The following BTBD9 variants were observed in gnomAD, a reference collection of about 807,000 sequenced individuals.
BTBD9 encodes the protein BTB/POZ domain-containing protein 9.
A neutral mutation model predicts 64.3 loss-of-function variants in BTBD9; 49 were observed. That is an observed-to-expected ratio of 0.76 (90% confidence interval 0.61 to 0.97). BTBD9 has a LOEUF of 0.97. Among genes scored for constraint, BTBD9 ranks in the 50% least tolerant of loss-of-function variants. The pLI is 0.00. For missense variants in BTBD9, 598 were observed against 762.1 expected (o/e 0.78, Z 2.53); for synonymous variants, 260 against 274.7 (o/e 0.95, Z 0.53).
chr6:38,398,434 C>T (rs149181394), intron 6 of BTBD9, among the ~76,000 whole-genome samples: 2 of 152,264 alleles, frequency 1.3e-5, no homozygotes, highest in East Asian at 3.9e-4. Context: ...GAATCAATGT[C>T]ACATATTCAG....
rs541698163 is a variant in BTBD9 at position 38,484,840 on chromosome 6, T to C, written c.1154+92760A>G. 2.0e-5 allele frequency among the ~76,000 whole-genome samples: 3 copies of C among 152,338 alleles called. No individual in the cohort carries two copies. The East Asian group carries it at 5.8e-4, about 29-fold the overall frequency. ...TTGCTGGTGGAGGATCACGCCTCAA[T>C]GTTGATAGCTGCTGACTGATCAGGG... is the stretch of plus-strand genomic sequence containing the variant. On this transcript the variant is annotated intron_variant, in intron 6 of 10. Coordinates refer to ENST00000481247, the MANE Select transcript of BTBD9 (RefSeq NM_001099272.2).
chr6:38,600,701 A>G (rs541867361), intron 1 of BTBD9, among the ~76,000 whole-genome samples: 2 of 152,126 alleles, frequency 1.3e-5, no homozygotes, highest in African/African-American at 4.8e-5. Context: ...GCTAATACTC[A>G]TATTACTTAC....
At chr6:38,507,627 C>T (rs1157541762) in intron 6 of BTBD9, among the ~76,000 whole-genome samples, 4 of 152,112 alleles carry the variant, frequency 2.6e-5, no homozygotes, top group Non-Finnish European at 4.4e-5. Context: ...AGTTCTCTTG[C>T]CTTAAATGAC....
chr6:38,237,393 C>CCACCATTCACTAATA (rs1763813628), intron 9 of BTBD9, among the ~76,000 whole-genome samples: 2 of 152,346 alleles, frequency 1.3e-5, no homozygotes, highest in African/African-American at 4.8e-5. Flanking sequence ...GTTCAAACAA[C>CCACCATTCACTAATA]TCCTGCATGT....
At chr6:38,555,055 G>A (rs1774957115) in intron 6 of BTBD9, among the ~76,000 whole-genome samples, 1 of 152,146 alleles carries the variant, frequency 6.6e-6, no homozygotes, top group Non-Finnish European at 1.5e-5. Context: ...CCCCCAAACT[G>A]GAAATCTTTA....
In BTBD9 at chr6:38,507,828, A is replaced by ATTT. The variant is rs34808509; in HGVS notation, c.1154+69769_1154+69771dup. Among the ~76,000 whole-genome samples, 196 of 125,366 alleles carry ATTT rather than the reference A, an allele frequency of 1.6e-3. 4 individuals carry two copies. Among genetic ancestry groups the ATTT allele is most frequent in the South Asian group, 0.012 (48 of 3,898 alleles). The allele number at this position is 125,366 out of a possible 152,430, so 82.2% of individuals were successfully genotyped here. On this transcript the variant is annotated intron_variant, in intron 6 of 10. Coordinates refer to ENST00000481247, the MANE Select transcript of BTBD9 (RefSeq NM_001099272.2). ...CTATCAATATGAAAATGTCTCCCAA[A>ATTT]TTTTTTTTTTTTTTTTTTTTTTTGA...
intron 6 of BTBD9, among the ~76,000 whole-genome samples, chr6:38,366,106 T>C (rs950955242): frequency 7.2e-5 from 11 of 152,278 alleles, no homozygotes; most frequent in Admixed American, 7.2e-4. Flanking sequence ...CTTTACTAAC[T>C]CAGAATTAAA....
chr6:38,283,867 G>A (rs958872849), intron 8 of BTBD9, among the ~76,000 whole-genome samples: 7 of 152,218 alleles, frequency 4.6e-5, no homozygotes, highest in African/African-American at 1.7e-4. Context: ...ACAAGCAATA[G>A]AAGCTGTGGG....
rs1055372442 is a variant in BTBD9, at chr6:38,616,799, C to T, written c.-27-18678G>A. ...CAGGTCCCCTTCCACGCTGTGGAAGCTTTGTCCTTTTGCTCTTCACAATAA... is the reference window on the plus strand; with the variant it reads ...CAGGTCCCCTTCCACGCTGTGGAAGTTTTGTCCTTTTGCTCTTCACAATAA... On this transcript the variant is annotated intron_variant, in intron 1 of 10. Coordinates refer to ENST00000481247, the MANE Select transcript of BTBD9 (RefSeq NM_001099272.2). Among the ~76,000 whole-genome samples the T allele has an allele frequency of 2.0e-5, 3 of 152,142 alleles. No homozygotes were observed. The East Asian group carries it at 5.8e-4, about 29-fold the overall frequency.
intron 7 of BTBD9, 50 bp from the exon 8 acceptor site, chr6:38,288,511 T>C (rs2127555661): frequency 4.0e-6 from 6 of 1,501,962 alleles, no homozygotes; most frequent in Non-Finnish European, 5.5e-6. Flanking sequence ...AAGCCAAATA[T>C]ATCTCTATAG....
At chr6:38,508,122 C>T (rs1232698509) in intron 6 of BTBD9, among the ~76,000 whole-genome samples, 6 of 152,000 alleles carry the variant, frequency 3.9e-5, no homozygotes, top group Non-Finnish European at 8.8e-5. Context: ...CGTGAGCCAC[C>T]GCACCCGGCC....
chr6:38,277,268 T>A (rs1457592947), intron 8 of BTBD9, among the ~76,000 whole-genome samples: 7 of 152,096 alleles, frequency 4.6e-5, no homozygotes, highest in Non-Finnish European at 1.0e-4. Context: ...CAAACATATA[T>A]AATCAATGAA....
At chr6:38,620,258 T>A (rs1273468485) in intron 1 of BTBD9, among the ~76,000 whole-genome samples, 1 of 152,216 alleles carries the variant, frequency 6.6e-6, no homozygotes, top group African/African-American at 2.4e-5. Flanking sequence ...TCCTCTACAT[T>A]CAGTTGTACC....
chr6:38,475,511 C>A (rs558335684), intron 6 of BTBD9, among the ~76,000 whole-genome samples: 1 of 152,180 alleles, frequency 6.6e-6, no homozygotes, highest in Admixed American at 6.5e-5. Flanking sequence ...ACATTTACTA[C>A]GCAAAGCACT....
At chr6:38,306,901 G>T (rs1762647019) in intron 7 of BTBD9, among the ~76,000 whole-genome samples, 1 of 152,170 alleles carries the variant, frequency 6.6e-6, no homozygotes, top group South Asian at 2.1e-4. Flanking sequence ...TGTTTCCCTG[G>T]CTGTTTTCAT....
chr6:38,199,752 AG>A (rs1393413811), intron 9 of BTBD9, among the ~76,000 whole-genome samples: 3 of 152,232 alleles, frequency 2.0e-5, no homozygotes, highest in Non-Finnish European at 4.4e-5. Context: ...TGTGCTGGGC[AG>A]GGGTATCCTA....
intron 8 of BTBD9, among the ~76,000 whole-genome samples, chr6:38,258,047 G>C (rs191261197): frequency 4.3e-4 from 65 of 151,816 alleles, no homozygotes; most frequent in African/African-American, 1.6e-3. Context: ...GTGTAATGGC[G>C]CGATCTCGGC....
intron 9 of BTBD9, among the ~76,000 whole-genome samples, chr6:38,213,860 G>A (rs1011322721): frequency 2.0e-5 from 3 of 151,800 alleles, no homozygotes; most frequent in South Asian, 2.1e-4. Flanking sequence ...GCAGGCGCCT[G>A]TAGTCCCAGC....
chr6:38,253,561 G>T (rs1236996414), intron 9 of BTBD9, among the ~76,000 whole-genome samples: 2 of 152,210 alleles, frequency 1.3e-5, no homozygotes, highest in Non-Finnish European at 2.9e-5. Context: ...TTAACAGAGG[G>T]ACATAAAAGA....
Sources: gnomAD v4.1 joint callset for allele counts (sites outside exome capture counted in the v4.1 genomes callset) on GRCh38, gnomAD v4.1.1 for gene constraint, MANE v1.5 for transcripts, NCBI Gene and HGNC (gene_info 2026-07-23, HGNC 2026-07-21) for gene names.